The following NHLRC2 variants were observed in gnomAD, a reference collection of about 807,000 sequenced individuals.
The protein encoded by NHLRC2 is NHL repeat-containing protein 2.
NHLRC2 carries 33 observed loss-of-function variants against 68.1 expected under a neutral mutation model. The observed-to-expected ratio is 0.48, with a 90% CI of 0.37 to 0.65. The LOEUF (loss-of-function observed/expected upper bound fraction) is 0.65, where lower values mean the gene tolerates loss of function less well. Ranked by LOEUF, NHLRC2 falls within the 30% of genes least tolerant of loss-of-function variation. The pLI, the probability that NHLRC2 is intolerant of heterozygous loss-of-function variation, is 0.00. For synonymous variants in NHLRC2, 311 were observed against 309.6 expected, an observed-to-expected ratio of 1.00 and a Z score of -0.05; for missense variants, 761 against 853.8, an observed-to-expected ratio of 0.89 and a Z score of 1.35.
At position 113,901,892 on chromosome 10, in the gene NHLRC2, C is replaced by T; in HGVS notation, c.1366C>T (p.Pro456Ser). Residue 456 changes from proline (P) to serine (S), a missense_variant, in exon 7 of 11, where the codon CCC (proline) becomes TCC (serine). Physicochemically the swap from Pro to Ser is moderately conservative, Grantham distance 74 (BLOSUM62 -1). Transcript: ENST00000369301. ...VKHLVGGERDPMNLFAFGDVD... is the reference protein window; with the variant it reads ...VKHLVGGERDSMNLFAFGDVD... ...GCACCTCGTAGGAGGAGAAAGAGAC[C>T]CCATGGTAATGACAGTCACTCTTGC... 6.2e-7 allele frequency: 1 copy of T among 1,606,280 alleles called. No individual in the cohort carries two copies. Among genetic ancestry groups the T allele is most frequent in the Non-Finnish European group, 8.5e-7 (1 of 1,172,914 alleles).
chr10:113,900,779 C>T (rs1163000599), intron 6 of NHLRC2, among the ~76,000 whole-genome samples: 1 of 152,270 alleles, frequency 6.6e-6, no homozygotes, highest in Middle Eastern at 3.4e-3. Flanking sequence ...CCTCTGTCCC[C>T]TGCTCCCTAC....
At chr10:113,901,633 T>C (rs763906636) in intron 6 of NHLRC2, 33 bp from the exon 7 acceptor site, 21 of 1,341,474 alleles carry the variant, frequency 1.6e-5, no homozygotes, top group African/African-American at 2.9e-5. Flanking sequence ...ATATACCACA[T>C]GTTGACTCCA....
In NHLRC2 at chr10:113,909,789, G is replaced by A. The variant is rs1344769435; in HGVS notation, c.*1253G>A. On this transcript the variant is annotated 3_prime_UTR_variant, in exon 11 of 11. Coordinates refer to ENST00000369301, the MANE Select transcript of NHLRC2 (RefSeq NM_198514.4). ...GTTTGTGATTTAATCAGCTTACAAG[G>A]GTTTAAAAACATCAGGTGAACCATG... The A allele has an allele frequency of 6.6e-6, 1 of 151,722 alleles. No individual in the cohort carries two copies. Among genetic ancestry groups the A allele is most frequent in the Non-Finnish European group, 1.5e-5 (1 of 67,894 alleles). The allele number at this position is 151,722 out of a possible 1,614,324, so 9.4% of individuals were successfully genotyped here.
At position 113,914,365 on chromosome 10, in the gene NHLRC2, G is replaced by A. The variant is rs1397376068; in HGVS notation, c.*5829G>A. ...GTATTTTTAGTGGAGATGGGGTTTCGCCATGCTTGCCAGGCTGGTCTCGAA... is the reference window on the plus strand; with the variant it reads ...GTATTTTTAGTGGAGATGGGGTTTCACCATGCTTGCCAGGCTGGTCTCGAA... On this transcript the variant is annotated 3_prime_UTR_variant, in exon 11 of 11. Coordinates refer to ENST00000369301, the MANE Select transcript of NHLRC2 (RefSeq NM_198514.4). The A allele has an allele frequency of 3.5e-5, 5 of 144,924 alleles. No individual in the cohort carries two copies. Among genetic ancestry groups the A allele is most frequent in the East Asian group, 2.1e-4 (1 of 4,706 alleles). 9.0% of individuals were successfully genotyped at this position (144,924 alleles called of 1,614,324 possible).
intron 1 of NHLRC2, among the ~76,000 whole-genome samples, chr10:113,856,082 C>T (rs1371602649): frequency 1.3e-5 from 2 of 152,166 alleles, no homozygotes; most frequent in Admixed American, 6.5e-5. Context: ...TCAATTATAG[C>T]CTATTTCCAG....
intron 5 of NHLRC2, among the ~76,000 whole-genome samples, chr10:113,892,608 A>C (rs1365726472): frequency 6.6e-6 from 1 of 150,986 alleles, no homozygotes; most frequent in Admixed American, 6.6e-5. Flanking sequence ...TGTTAATATG[A>C]CTCTTGTTAC....
At chr10:113,903,878 G>C (rs895679219) in intron 9 of NHLRC2, 142 bp downstream of exon 9, 8 of 610,300 alleles carry the variant, frequency 1.3e-5, no homozygotes, top group Admixed American at 1.2e-4. Context: ...CTTTGACAAA[G>C]AGACCAGCAG....
intron 2 of NHLRC2, among the ~76,000 whole-genome samples, chr10:113,861,364 A>G (rs1000664918): frequency 7.9e-5 from 12 of 152,230 alleles, no homozygotes; most frequent in Non-Finnish European, 1.3e-4. Flanking sequence ...TCATGCCAAG[A>G]CACATTATTA....
At chr10:113,898,451 C>T (rs1466723435) in intron 6 of NHLRC2, among the ~76,000 whole-genome samples, 1 of 152,160 alleles carries the variant, frequency 6.6e-6, no homozygotes. Context: ...TCGGGAGCTT[C>T]GCCAGTCATC....
intron 2 of NHLRC2, among the ~76,000 whole-genome samples, chr10:113,859,411 A>C (rs1324860433): frequency 6.6e-6 from 1 of 152,184 alleles, no homozygotes; most frequent in African/African-American, 2.4e-5. Context: ...AAAAAGAGAT[A>C]GGGTCACCGA....
chr10:113,877,268 G>T (rs548272415), intron 3 of NHLRC2, among the ~76,000 whole-genome samples: 51 of 147,132 alleles, frequency 3.5e-4, no homozygotes, highest in Non-Finnish European at 6.1e-4. Flanking sequence ...TTTTTAAACT[G>T]CTGTACTTAC....
chr10:113,889,802 T>C (rs983873387), intron 5 of NHLRC2, among the ~76,000 whole-genome samples: 1 of 152,198 alleles, frequency 6.6e-6, no homozygotes, highest in Admixed American at 6.5e-5. Context: ...ATCTTTCATG[T>C]CTGGCTTCTT....
intron 2 of NHLRC2, 36 bp downstream of exon 2, chr10:113,858,716 C>G: frequency 6.6e-7 from 1 of 1,518,822 alleles, no homozygotes; most frequent in Non-Finnish European, 9.1e-7. Context: ...ACAGACTGTC[C>G]TGGCATAGTC....
chr10:113,887,049 G>C (rs1846089099), intron 5 of NHLRC2, among the ~76,000 whole-genome samples: 1 of 152,120 alleles, frequency 6.6e-6, no homozygotes, highest in South Asian at 2.1e-4. Context: ...AAAATATAGG[G>C]AAAGGGTATC....
chr10:113,880,279 T>C (rs991567580), intron 4 of NHLRC2, among the ~76,000 whole-genome samples: 37 of 152,056 alleles, frequency 2.4e-4, no homozygotes, highest in Non-Finnish European at 4.9e-4. Context: ...TAAATTGATA[T>C]TAAAAAGCCT....
In NHLRC2 at chr10:113,909,136, G is replaced by T. The variant is rs1378647186; in HGVS notation, c.*600G>T. The T allele has an allele frequency of 1.3e-5, 2 of 152,122 alleles. No individual in the cohort carries two copies. Among genetic ancestry groups the T allele is most frequent in the South Asian group, 2.1e-4 (1 of 4,838 alleles). The allele number at this position is 152,122 out of a possible 1,614,324, so 9.4% of individuals were successfully genotyped here. On this transcript the variant is annotated 3_prime_UTR_variant, in exon 11 of 11. Coordinates refer to ENST00000369301, the MANE Select transcript of NHLRC2 (RefSeq NM_198514.4). ...TGAGATATTTTTAAAAGAGAGTTTT[G>T]ATCTATTTTTATTATAAATTATTTG...
In NHLRC2 at chr10:113,872,214, A is replaced by G. The variant is rs544425329; in HGVS notation, c.332-4307A>G. On this transcript the variant is annotated intron_variant, in intron 2 of 10. Coordinates refer to ENST00000369301, the MANE Select transcript of NHLRC2 (RefSeq NM_198514.4). The stretch of plus-strand genomic sequence containing the variant: ...ATGTGGTTTCCCTTGGAGATAGGCC[A>G]CTGAAGGGAAAAAAGCGTATATGAA... Among the ~76,000 whole-genome samples the G allele has an allele frequency of 2.4e-4, 37 of 152,230 alleles. No individual in the cohort carries two copies. In the South Asian group the frequency reaches 7.3e-3, roughly 30 times the overall value.
intron 5 of NHLRC2, 147 bp from the exon 6 acceptor site, chr10:113,897,963 A>C: frequency 2.2e-6 from 1 of 446,742 alleles, no homozygotes; most frequent in South Asian, 4.9e-5. Flanking sequence ...AAATTTTCAA[A>C]GATAACTTGA....
At chr10:113,899,041 A>G (rs751355845) in intron 6 of NHLRC2, among the ~76,000 whole-genome samples, 33 of 152,078 alleles carry the variant, frequency 2.2e-4, no homozygotes, top group Non-Finnish European at 4.6e-4. Context: ...AGAACTGGCC[A>G]TACTCTTCTC....
Sources: allele counts gnomAD v4.1 joint callset (sites outside exome capture counted in the v4.1 genomes callset), GRCh38; gene constraint gnomAD v4.1.1; transcripts MANE v1.5; gene names NCBI Gene and HGNC (gene_info 2026-07-23, HGNC 2026-07-21).